Variants in PHKA2 observed in about 807,000 individuals in gnomAD.
The protein encoded by PHKA2 is phosphorylase kinase regulatory subunit alpha 2.
PHKA2 carries 31 observed loss-of-function variants against 102.0 expected under a neutral mutation model. The observed-to-expected ratio is 0.30, with a 90% CI of 0.23 to 0.41. The LOEUF is 0.41. Among genes scored for constraint, PHKA2 ranks in the 10% least tolerant of loss-of-function variants. PHKA2 has a pLI of 1.00. For missense variants in PHKA2, 858 were observed against 1,023.1 expected (o/e 0.84, Z 2.20); for synonymous variants, 455 against 416.2 (o/e 1.09, Z -1.13).
intron 1 of PHKA2, among the ~76,000 whole-genome samples, chrX:18,972,872 G>A (rs1279748682): frequency 9.0e-6 from 1 of 111,630 alleles, no homozygotes; most frequent in Non-Finnish European, 1.9e-5. Flanking sequence ...CTGAATAGAG[G>A]GGGTGATAGT....
At chrX:18,977,056 C>T (rs780794502) in intron 1 of PHKA2, among the ~76,000 whole-genome samples, 113 of 112,391 alleles carry the variant, frequency 1.0e-3, no homozygotes, top group African/African-American at 3.5e-3. Context: ...TCAAACCCCA[C>T]TTTAGCTGTA....
At chrX:18,900,218 G>C (rs768290688) in intron 28 of PHKA2, among the ~76,000 whole-genome samples, 35 of 111,455 alleles carry the variant, frequency 3.1e-4, no homozygotes, top group African/African-American at 1.1e-3. Context: ...TGTCCCAGAG[G>C]GGGGTGGAGA....
intron 4 of PHKA2, among the ~76,000 whole-genome samples, chrX:18,950,075 G>A (rs776688055): frequency 1.3e-4 from 14 of 111,716 alleles, no homozygotes; most frequent in African/African-American, 3.6e-4. Flanking sequence ...CACCTGGTGT[G>A]AGACCCTAGT....
In PHKA2 at chrX:18,905,876, T is replaced by C. The variant is rs368815651; in HGVS notation, c.2807-17A>G. ...CCTCTTCTCCTAAAAACAAATATCT[T>C]GTAAGTGTCCCAAACACAGGGCTGG... is the stretch of plus-strand genomic sequence containing the variant. On this transcript the variant is annotated splice_polypyrimidine_tract_variant and intron_variant, in intron 25 of 32. Transcript: ENST00000379942. 1.2e-5 allele frequency: 13 copies of C among 1,116,631 alleles called. No homozygotes were observed. The African/African-American group carries it at 1.8e-4, about 16-fold the overall frequency. 92.0% of individuals were successfully genotyped at this position (1,116,631 alleles called of 1,213,427 possible).
At chrX:18,925,854 C>A in intron 14 of PHKA2, 77 bp from the exon 15 acceptor site, 1 of 687,827 alleles carries the variant, frequency 1.5e-6, no homozygotes, top group Non-Finnish European at 2.4e-6. Flanking sequence ...CAGGCTAAGA[C>A]TGAGCTTATT....
chrX:18,969,503 T>C (rs1249636765), intron 1 of PHKA2, among the ~76,000 whole-genome samples: 1 of 111,632 alleles, frequency 9.0e-6, no homozygotes, highest in African/African-American at 3.2e-5. Flanking sequence ...AAAAAGGACA[T>C]TCTTAAATGC....
At chrX:18,908,708 C>T in intron 21 of PHKA2, 93 bp downstream of exon 21, 1 of 825,768 alleles carries the variant, frequency 1.2e-6, no homozygotes, top group Non-Finnish European at 1.8e-6. Context: ...ACTTCCCAGC[C>T]TCCGGAACTG....
At chrX:18,955,510 T>C (rs1196268448) in intron 1 of PHKA2, among the ~76,000 whole-genome samples, 2 of 111,085 alleles carry the variant, frequency 1.8e-5, no homozygotes, top group Non-Finnish European at 3.8e-5. Context: ...TAAATAAAGC[T>C]ATTAATTTTT....
chrX:18,954,334 C>T lies in PHKA2; in HGVS notation c.157G>A (p.Ala53Thr), dbSNP rs1455419963. 8.3e-7 allele frequency: 1 copy of T among 1,210,120 alleles called. No individual in the cohort carries two copies. The highest frequency in any genetic ancestry group is 1.1e-6 in the Non-Finnish European group (1 of 894,800). The change falls in exon 2 of 33, where the codon GCC (alanine) becomes ACC (threonine). Residue 53 changes from alanine to threonine, a missense_variant. Physicochemically the swap from Ala to Thr is moderately conservative, Grantham distance 58. Around this residue, in one of 2 missense-constraint regions of PHKA2, gnomAD observed 187 missense variants for 277.9 expected, o/e 0.67. Coordinates refer to ENST00000379942, the MANE Select transcript of PHKA2 (RefSeq NM_000292.3). The part of the protein sequence containing the change: ...WVRDNIYSIL[A>T]VWGLGMAYRK... ...TAGGCCATGCCCAGGCCCCACACGG[C>T]CAGGATACTGTAGATGTTATCCCGC...
intron 19 of PHKA2, among the ~76,000 whole-genome samples, chrX:18,913,449 A>G (rs1163524046): frequency 2.8e-5 from 3 of 108,815 alleles, no homozygotes; most frequent in African/African-American, 1.0e-4. Context: ...CTTGTTGCCC[A>G]GGCTGGACTG....
intron 1 of PHKA2, among the ~76,000 whole-genome samples, chrX:18,967,358 C>T (rs753311990): frequency 9.0e-5 from 10 of 111,286 alleles, no homozygotes; most frequent in South Asian, 3.8e-4. Flanking sequence ...CTAGGAGTTA[C>T]GAACACTATG....
At chrX:18,972,930 T>C (rs1363474225) in intron 1 of PHKA2, among the ~76,000 whole-genome samples, 1 of 112,533 alleles carries the variant, frequency 8.9e-6, no homozygotes, top group Non-Finnish European at 1.9e-5. Context: ...AATACATTAC[T>C]TACGAGGTTT....
chrX:18,968,230 A>G (rs1298856759), intron 1 of PHKA2, among the ~76,000 whole-genome samples: 1 of 111,486 alleles, frequency 9.0e-6, no homozygotes, highest in Non-Finnish European at 1.9e-5. Context: ...TTGTCTCTAC[A>G]AAAAATTAAA....
At chrX:18,902,382 C>A (rs1444185505) in intron 26 of PHKA2, among the ~76,000 whole-genome samples, 1 of 109,634 alleles carries the variant, frequency 9.1e-6, no homozygotes, top group East Asian at 2.9e-4. Flanking sequence ...AGCGATCTGC[C>A]CGCCTCAGCC....
intron 30 of PHKA2, chrX:18,896,465 T>G (rs1294522272): frequency 8.8e-6 from 1 of 113,665 alleles, no homozygotes; most frequent in African/African-American, 3.2e-5. Context: ...GCCGGCTGGC[T>G]GAGGGGAGTG....
chrX:18,965,762 T>C (rs1289082786), intron 1 of PHKA2, among the ~76,000 whole-genome samples: 1 of 111,903 alleles, frequency 8.9e-6, no homozygotes, highest in Non-Finnish European at 1.9e-5. Context: ...TTTATGAACA[T>C]TAATTATGTT....
chrX:18,962,643 T>C (rs1487609525), intron 1 of PHKA2, among the ~76,000 whole-genome samples: 1 of 111,799 alleles, frequency 8.9e-6, no homozygotes, highest in African/African-American at 3.3e-5. Context: ...ACCCATCTTA[T>C]ACCACAGTCA....
intron 13 of PHKA2, among the ~76,000 whole-genome samples, chrX:18,926,996 C>T (rs1010358055): frequency 5.4e-5 from 6 of 111,671 alleles, no homozygotes; most frequent in African/African-American, 1.6e-4. Context: ...GAAGCCTGTG[C>T]CCCTGCTCCC....
Position 18,941,695 on chromosome X carries a change from G to T in PHKA2, c.718-20C>A. On this transcript the variant is annotated intron_variant, in intron 7 of 32. Coordinates refer to ENST00000379942, the MANE Select transcript of PHKA2 (RefSeq NM_000292.3). The stretch of plus-strand genomic sequence containing the variant: ...AATAGACTGAATGAAAAACAAAGAG[G>T]TGGTTTAACCTGGAGATGCGCTAAT... The T allele has an allele frequency of 1.8e-6, 2 of 1,131,582 alleles. No individual in the cohort carries two copies. Among genetic ancestry groups the T allele is most frequent in the Non-Finnish European group, 2.4e-6 (2 of 821,790 alleles). 93.3% of individuals were successfully genotyped at this position (1,131,582 alleles called of 1,213,427 possible).
Sources: allele counts gnomAD v4.1 joint callset (sites outside exome capture counted in the v4.1 genomes callset), GRCh38; gene constraint gnomAD v4.1.1; regional missense constraint gnomAD v4.1.1; transcripts MANE v1.5; gene names NCBI Gene and HGNC (gene_info 2026-07-23, HGNC 2026-07-21).